ENTREP2: variants seen among roughly 807,000 people sequenced by gnomAD.
The protein encoded by ENTREP2 is protein ENTREP2.
chr15:29,594,450 G>A, the ENTREP2 span, among the ~76,000 whole-genome samples: 3 of 152,238 alleles, frequency 2.0e-5, no homozygotes, highest in African/African-American at 7.2e-5. Context: ...CCCTGTACAG[G>A]CTCTGCCAGC....
At chr15:29,494,634 G>A in the ENTREP2 span, among the ~76,000 whole-genome samples, 13 of 152,280 alleles carry the variant, frequency 8.5e-5, no homozygotes, top group South Asian at 1.7e-3. Context: ...GTAACTGAAA[G>A]TTTGTTCGCT....
At chr15:29,269,750 C>A in the ENTREP2 span, 11 of 1,425,746 alleles carry the variant, frequency 7.7e-6, no homozygotes, top group African/African-American at 1.7e-4. Context: ...AGGCAAGCAG[C>A]CGCGGCGGGG....
the ENTREP2 span, among the ~76,000 whole-genome samples, chr15:29,258,037 CCT>C: frequency 9.2e-5 from 14 of 151,844 alleles, no homozygotes; most frequent in East Asian, 1.7e-3. Context: ...CGGTGAAACC[CCT>C]GTCTCTACTA....
chr15:29,415,378 T>C, the ENTREP2 span, among the ~76,000 whole-genome samples: 1 of 152,184 alleles, frequency 6.6e-6, no homozygotes, highest in Non-Finnish European at 1.5e-5. Flanking sequence ...ATCCAGCATA[T>C]AAACAGAACC....
At chr15:29,407,343 G>A in the ENTREP2 span, among the ~76,000 whole-genome samples, 4 of 152,184 alleles carry the variant, frequency 2.6e-5, no homozygotes, top group Non-Finnish European at 4.4e-5. Flanking sequence ...TACACAGTCC[G>A]TCATTGAGGG....
the ENTREP2 span, among the ~76,000 whole-genome samples, chr15:29,221,003 G>A: frequency 6.6e-6 from 1 of 152,078 alleles, no homozygotes; most frequent in African/African-American, 2.4e-5. Flanking sequence ...TCGTGAAGAG[G>A]GAGAGAGAGA....
At chr15:29,557,168 C>T in the ENTREP2 span, among the ~76,000 whole-genome samples, 1 of 152,194 alleles carries the variant, frequency 6.6e-6, no homozygotes, top group Non-Finnish European at 1.5e-5. Flanking sequence ...CCAGCCCTGT[C>T]TCAGGCCCTT....
At chr15:29,573,611 CT>C in the ENTREP2 span, among the ~76,000 whole-genome samples, 1 of 107,954 alleles carries the variant, frequency 9.3e-6, no homozygotes, top group African/African-American at 4.4e-5. Context: ...TATTCTCTCT[CT>C]TCTTTCTCTC....
the ENTREP2 span, among the ~76,000 whole-genome samples, chr15:29,652,526 A>G: frequency 1.3e-5 from 2 of 152,234 alleles, no homozygotes; most frequent in African/African-American, 4.8e-5. Context: ...AGTGGGAAAG[A>G]AGAGCTGAGG....
the ENTREP2 span, among the ~76,000 whole-genome samples, chr15:29,254,583 G>T: frequency 1.3e-5 from 2 of 151,092 alleles, no homozygotes; most frequent in Non-Finnish European, 2.9e-5. Flanking sequence ...TCCCGGCCAG[G>T]CGCAGTGGCT....
At chr15:29,604,946 T>G in the ENTREP2 span, among the ~76,000 whole-genome samples, 1 of 152,154 alleles carries the variant, frequency 6.6e-6, no homozygotes, top group Non-Finnish European at 1.5e-5. Flanking sequence ...CTACACACAG[T>G]GACATGCACA....
chr15:29,124,796 A>C, the ENTREP2 span: 5 of 1,523,334 alleles, frequency 3.3e-6, no homozygotes, highest in Non-Finnish European at 4.5e-6. Flanking sequence ...AACACATGAA[A>C]GGAAAAAGGA....
At chr15:29,647,845 G>A in the ENTREP2 span, among the ~76,000 whole-genome samples, 3 of 152,238 alleles carry the variant, frequency 2.0e-5, 1 homozygote, top group Admixed American at 1.3e-4. Context: ...ATTTTGCCAA[G>A]AGGTGGGACA....
the ENTREP2 span, among the ~76,000 whole-genome samples, chr15:29,125,381 C>T: frequency 0.11 from 16,572 of 152,162 alleles, 1,225 homozygotes; most frequent in African/African-American, 0.2. Flanking sequence ...CAGAGATGAC[C>T]GCAGCCAGGG....
At chr15:29,670,642 T>C in the ENTREP2 span, among the ~76,000 whole-genome samples, 3 of 152,260 alleles carry the variant, frequency 2.0e-5, no homozygotes, top group Admixed American at 2.0e-4. Context: ...CCGGGAACTC[T>C]CTTTAAAGAA....
chr15:29,595,928 A>G, the ENTREP2 span, among the ~76,000 whole-genome samples: 1 of 151,810 alleles, frequency 6.6e-6, no homozygotes, highest in East Asian at 1.9e-4. Context: ...GCACTTCGTT[A>G]TTTTCTGGCA....
the ENTREP2 span, among the ~76,000 whole-genome samples, chr15:29,403,032 G>A: frequency 1.3e-5 from 2 of 152,136 alleles, no homozygotes; most frequent in Admixed American, 6.5e-5. Context: ...GAAAGGCTCT[G>A]GAAACAATGG....
the ENTREP2 span, among the ~76,000 whole-genome samples, chr15:29,570,291 T>C: frequency 5.5e-4 from 83 of 151,052 alleles, no homozygotes; most frequent in African/African-American, 1.3e-3. Flanking sequence ...ATCAGCGCAA[T>C]AGGAGCGGGA....
chr15:29,390,372 T>C, the ENTREP2 span, among the ~76,000 whole-genome samples: 7 of 151,878 alleles, frequency 4.6e-5, no homozygotes, highest in Non-Finnish European at 1.0e-4. Context: ...ACAAAGAATA[T>C]GGAGAAAACG....
Sources: allele counts gnomAD v4.1 joint callset (sites outside exome capture counted in the v4.1 genomes callset), GRCh38; gene constraint gnomAD v4.1.1; transcripts MANE v1.5; gene names NCBI Gene and HGNC (gene_info 2026-07-23, HGNC 2026-07-21).